CD6: variants seen among roughly 807,000 people sequenced by gnomAD.
CD6 encodes the protein CD6 molecule, also known as T-cell differentiation antigen CD6.
CD6 carries 53 observed loss-of-function variants against 75.3 expected under a neutral mutation model. The ratio of observed to expected loss-of-function variants is 0.70; its 90% CI spans 0.56 to 0.88. CD6 has a LOEUF of 0.88. Ranked by LOEUF, CD6 falls within the 40% of genes least tolerant of loss-of-function variation. The probability of loss-of-function intolerance (pLI) is 0.00; values close to 1 mark genes in which losing one functional copy is unlikely to be tolerated. For synonymous variants in CD6, 359 were observed against 381.5 expected (o/e 0.94, Z 0.69); for missense variants, 770 against 897.1 (o/e 0.86, Z 1.81).
At chr11:61,010,429 C>G (rs1859088221) in intron 5 of CD6, among the ~76,000 whole-genome samples, 1 of 152,150 alleles carries the variant, frequency 6.6e-6, no homozygotes, top group Non-Finnish European at 1.5e-5. Flanking sequence ...AACGTAATGA[C>G]TGAGGCCATT....
intron 1 of CD6, among the ~76,000 whole-genome samples, chr11:60,982,069 G>T (rs1200931942): frequency 1.7e-4 from 1 of 5,842 alleles, no homozygotes; most frequent in East Asian, 0.17. Context: ...CCAGGGTGGC[G>T]GGGGGGGGGG....
chr11:61,018,510 G>C, intron 12 of CD6, 117 bp downstream of exon 12: 2 of 797,854 alleles, frequency 2.5e-6, no homozygotes, highest in Non-Finnish European at 2.0e-6. Flanking sequence ...AAGGGTAAAA[G>C]AAGAGAGGGA....
intron 1 of CD6, among the ~76,000 whole-genome samples, chr11:60,981,111 AC>A (rs1359597495): frequency 6.6e-6 from 1 of 152,196 alleles, no homozygotes; most frequent in Non-Finnish European, 1.5e-5. Flanking sequence ...CACAAAATGT[AC>A]ATTTACAAGT....
chr11:60,997,414 TAATA>T (rs979166993), intron 1 of CD6, among the ~76,000 whole-genome samples: 10 of 149,952 alleles, frequency 6.7e-5, no homozygotes, highest in African/African-American at 9.7e-5. Context: ...AAAATAAAAA[TAATA>T]AATAAATAAA....
chr11:60,983,190 A>G (rs922003361), intron 1 of CD6, among the ~76,000 whole-genome samples: 2 of 150,552 alleles, frequency 1.3e-5, no homozygotes, highest in Admixed American at 6.6e-5. Context: ...TCCACCTCCC[A>G]GGTTCAAGCG....
At chr11:60,985,779 A>G (rs1423219193) in intron 1 of CD6, among the ~76,000 whole-genome samples, 1 of 152,176 alleles carries the variant, frequency 6.6e-6, no homozygotes, top group Non-Finnish European at 1.5e-5. Flanking sequence ...GCAACATTGC[A>G]TGTCCCCATC....
At chr11:60,973,423 T>C (rs1379286485) in intron 1 of CD6, among the ~76,000 whole-genome samples, 4 of 152,234 alleles carry the variant, frequency 2.6e-5, no homozygotes, top group African/African-American at 9.6e-5. Context: ...CCCAGTACTG[T>C]CATCCACTTT....
At chr11:60,976,248 T>C (rs1236324860) in intron 1 of CD6, among the ~76,000 whole-genome samples, 3 of 152,216 alleles carry the variant, frequency 2.0e-5, no homozygotes, top group African/African-American at 7.2e-5. Flanking sequence ...GTTTGGCTCC[T>C]ACTTATAAGT....
chr11:60,986,403 T>C (rs899153208), intron 1 of CD6, among the ~76,000 whole-genome samples: 3 of 152,292 alleles, frequency 2.0e-5, no homozygotes, highest in Non-Finnish European at 4.4e-5. Flanking sequence ...GACTCCAGGC[T>C]CCACCACTTC....
At chr11:60,981,782 G>T (rs1051174081) in intron 1 of CD6, among the ~76,000 whole-genome samples, 2 of 152,178 alleles carry the variant, frequency 1.3e-5, no homozygotes, top group African/African-American at 4.8e-5. Context: ...CCTGAAAATG[G>T]CGGCTGAGAG....
intron 1 of CD6, among the ~76,000 whole-genome samples, chr11:60,990,203 G>A (rs1166263507): frequency 6.6e-6 from 1 of 152,138 alleles, no homozygotes; most frequent in African/African-American, 2.4e-5. Flanking sequence ...ATACAGAAAT[G>A]CATTGAGAAT....
intron 1 of CD6, 29 bp downstream of exon 1, chr11:60,971,943 C>A: frequency 6.2e-7 from 1 of 1,611,866 alleles, no homozygotes; most frequent in Non-Finnish European, 8.5e-7. Flanking sequence ...TCTCCTGCCA[C>A]TGGTGCTGGA....
chr11:60,995,665 A>G (rs1488911263), intron 1 of CD6, among the ~76,000 whole-genome samples: 2 of 151,976 alleles, frequency 1.3e-5, no homozygotes, highest in Admixed American at 1.3e-4. Flanking sequence ...AGTGAGCCCC[A>G]TATTTGAGAG....
intron 1 of CD6, among the ~76,000 whole-genome samples, chr11:61,006,091 T>C (rs558016584): frequency 1.0e-3 from 155 of 152,366 alleles, no homozygotes; most frequent in African/African-American, 3.4e-3. Flanking sequence ...AAGTCTGATA[T>C]GAAATTCTCA....
chr11:61,002,078 C>A (rs1217064454), intron 1 of CD6, among the ~76,000 whole-genome samples: 5 of 152,196 alleles, frequency 3.3e-5, no homozygotes, highest in East Asian at 1.9e-4. Flanking sequence ...ATATTATATT[C>A]TCTTCTCTGC....
At chr11:60,975,129 T>G (rs1230513619) in intron 1 of CD6, among the ~76,000 whole-genome samples, 2 of 7,766 alleles carry the variant, frequency 2.6e-4, no homozygotes, top group South Asian at 0.013. Flanking sequence ...TAATCATATT[T>G]TATTTTATAA....
Position 61,008,787 on chromosome 11 carries a change from G to C in CD6, c.723G>C (p.Pro241=). 6.3e-7 allele frequency: 1 copy of C among 1,591,942 alleles called. No homozygotes were observed. Among genetic ancestry groups the C allele is most frequent in the South Asian group, 1.1e-5 (1 of 88,640 alleles). ...SGAEAYLWDC[P]GLPGQHYCGH... ...CCGAAGCTTACCTGTGGGACTGCCCGGGGCTGCCAGGACAGCACTACTGCG... is the reference window on the plus strand; with the variant it reads ...CCGAAGCTTACCTGTGGGACTGCCCCGGGCTGCCAGGACAGCACTACTGCG... The change falls in exon 4 of 13, where the codon CCG becomes CCC. Residue 241 remains proline (P), a synonymous_variant. Coordinates refer to ENST00000313421, the MANE Select transcript of CD6 (RefSeq NM_006725.5).
intron 1 of CD6, among the ~76,000 whole-genome samples, chr11:60,999,744 A>G (rs889436379): frequency 6.6e-6 from 1 of 151,684 alleles, no homozygotes; most frequent in Non-Finnish European, 1.5e-5. Flanking sequence ...TGTTTTTATT[A>G]TGCTATCAGA....
chr11:61,000,057 C>CAAAATA (rs902977223), intron 1 of CD6, among the ~76,000 whole-genome samples: 4 of 151,230 alleles, frequency 2.6e-5, no homozygotes, highest in South Asian at 2.1e-4. Flanking sequence ...GACTCTATGG[C>CAAAATA]AAAATAAAAA....
Sources: allele counts gnomAD v4.1 joint callset (sites outside exome capture counted in the v4.1 genomes callset), GRCh38; gene constraint gnomAD v4.1.1; transcripts MANE v1.5; gene names NCBI Gene and HGNC (gene_info 2026-07-23, HGNC 2026-07-21).